Variants in FAT3 observed in about 807,000 individuals in gnomAD.
FAT3 encodes protocadherin Fat 3.
Under a neutral mutation model 310.2 loss-of-function variants are expected in FAT3, and 95 were observed. That is an observed-to-expected ratio of 0.31 (90% CI 0.26 to 0.36). The LOEUF is 0.36. FAT3 is among the 10% of genes least tolerant of loss of function. FAT3 has a pLI of 1.00. For synonymous variants in FAT3, 2,314 were observed against 2,192.9 expected (o/e 1.06, Z -1.54); for missense variants, 5,408 against 5,715.6 (o/e 0.95, Z 1.74).
chr11:92,848,497 CTTG>C (rs988039364), intron 19 of FAT3, among the ~76,000 whole-genome samples: 11 of 152,126 alleles, frequency 7.2e-5, no homozygotes, highest in African/African-American at 2.7e-4. Context: ...CCTATGGGGC[CTTG>C]TTGATTGTCC....
intron 1 of FAT3, among the ~76,000 whole-genome samples, chr11:92,284,944 T>C (rs909319032): frequency 6.6e-5 from 10 of 152,148 alleles, no homozygotes; most frequent in African/African-American, 2.4e-4. Flanking sequence ...AACAGGAGTT[T>C]TCGTCTAGAT....
rs752495005 is a variant in FAT3, at chr11:92,352,270, A to G, written c.158A>G (p.Tyr53Cys). 6.9e-6 allele frequency: 10 copies of G among 1,441,460 alleles called. No individual in the cohort carries two copies. Among genetic ancestry groups the G allele is most frequent in the South Asian group, 2.3e-5 (2 of 88,772 alleles). 89.3% of individuals were successfully genotyped at this position (1,441,460 alleles called of 1,614,324 possible). A position where few individuals can be genotyped will look rare whatever the true frequency, so the allele number is the denominator to read the frequency against. The change falls in exon 2 of 28, where the codon TAT becomes TGT. Residue 53 changes from tyrosine (Y) to cysteine (C), a missense_variant. This residue lies in a region of FAT3 where 152 missense variants were observed against 188.3 expected (regional missense o/e 0.81). Transcript: ENST00000525166. ...CATTCCATTTATAATGCTACCGTGT[A>G]TGAGAACTCAGCAGCAAGGACCTAC... Reference protein sequence around the residue: ...FTHSIYNATVYENSAARTYVN... With the variant: ...FTHSIYNATVCENSAARTYVN...
intron 3 of FAT3, among the ~76,000 whole-genome samples, chr11:92,527,961 C>G (rs1173207993): frequency 6.6e-6 from 1 of 152,190 alleles, no homozygotes; most frequent in Non-Finnish European, 1.5e-5. Flanking sequence ...ATTTCCTCCT[C>G]TGCTGTACAG....
At chr11:92,575,639 G>A (rs915394460) in intron 3 of FAT3, among the ~76,000 whole-genome samples, 7 of 152,134 alleles carry the variant, frequency 4.6e-5, no homozygotes, top group Admixed American at 1.3e-4. Context: ...TGGATTTGTC[G>A]TTATAATTTA....
At chr11:92,834,257 G>A (rs1948340272) in intron 14 of FAT3, among the ~76,000 whole-genome samples, 6 of 152,188 alleles carry the variant, frequency 3.9e-5, no homozygotes, top group Admixed American at 3.9e-4. Flanking sequence ...GTAGTTGTGG[G>A]CACTAAACTC....
At chr11:92,585,549 A>G (rs974604184) in intron 3 of FAT3, among the ~76,000 whole-genome samples, 4 of 152,024 alleles carry the variant, frequency 2.6e-5, no homozygotes, top group Non-Finnish European at 4.4e-5. Context: ...ATTCCTACAA[A>G]GCACCGGTGC....
chr11:92,426,843 T>C (rs556039172), intron 2 of FAT3, among the ~76,000 whole-genome samples: 1 of 152,344 alleles, frequency 6.6e-6, no homozygotes, highest in South Asian at 2.1e-4. Context: ...TGCTTAGGGT[T>C]GTCTTGGCTA....
In FAT3 at chr11:92,810,049, A is replaced by G. The variant is rs749039808; in HGVS notation, c.9454A>G (p.Arg3152Gly). The change falls in exon 13 of 28, where the codon AGA (arginine) becomes GGA (glycine). Residue 3152 changes from arginine to glycine, a missense_variant. By Grantham distance (125) the Arg-to-Gly change is moderately radical. Transcript: ENST00000525166. ...ENTATKALLT[R>G]VQAVDPDIGI... ...CACAGCCACCAAGGCTCTGTTGACC[A>G]GAGTTCAAGCCGTGGACCCCGACAT... The G allele has an allele frequency of 1.2e-6, 2 of 1,613,788 alleles. No individual in the cohort carries two copies. The highest frequency in any genetic ancestry group is 1.3e-5 in the African/African-American group (1 of 74,942).
intron 3 of FAT3, among the ~76,000 whole-genome samples, chr11:92,671,951 C>G (rs1435789503): frequency 6.6e-6 from 1 of 151,884 alleles, no homozygotes; most frequent in East Asian, 1.9e-4. Flanking sequence ...ACTAAAAATA[C>G]AAAAAATAAT....
At position 92,798,013 on chromosome 11, in the gene FAT3, C is replaced by A; in HGVS notation, c.5000C>A (p.Ser1667Tyr). 1 of 1,613,878 alleles carries A rather than the reference C, an allele frequency of 6.2e-7. No individual in the cohort carries two copies. The highest frequency in any genetic ancestry group is 8.5e-7 in the Non-Finnish European group (1 of 1,179,850). The part of the protein sequence containing the change: ...VRISVTMSDN[S>Y]HPKFIHKDYQ... The stretch of plus-strand genomic sequence containing the variant: ...ATTTCCGTCACCATGTCTGACAATT[C>A]TCACCCCAAGTTCATTCACAAAGAC... Residue 1667 changes from serine to tyrosine, a missense_variant, in exon 10 of 28, where the codon TCT becomes TAT. Transcript: ENST00000525166.
At chr11:92,838,750 C>T (rs1472757252) in intron 17 of FAT3, among the ~76,000 whole-genome samples, 1 of 152,094 alleles carries the variant, frequency 6.6e-6, no homozygotes, top group African/African-American at 2.4e-5. Context: ...TTTGGAATAA[C>T]ATTCAAGAAT....
intron 3 of FAT3, among the ~76,000 whole-genome samples, chr11:92,532,927 A>G (rs1954129778): frequency 6.6e-6 from 1 of 152,148 alleles, no homozygotes; most frequent in African/African-American, 2.4e-5. Flanking sequence ...ATGTATCTAG[A>G]TTAAGGCTCT....
At position 92,837,732 on chromosome 11, in the gene FAT3, G is replaced by A. The variant is rs760605948; in HGVS notation, c.10294G>A (p.Val3432Ile). Residue 3432 changes from valine to isoleucine, a missense_variant, in exon 17 of 28, where the codon GTC (valine) becomes ATC (isoleucine). Val to Ile is a conservative substitution (Grantham distance 29, BLOSUM62 3). Transcript: ENST00000525166. ...TCCTGCAATGTCATCAACTGCAACT[G>A]TCAACATTGATATTTCTGATGTGAA... ...GIPAMSSTAT[V>I]NIDISDVNDN... 2.5e-6 allele frequency: 4 copies of A among 1,613,980 alleles called. No individual in the cohort carries two copies. Among genetic ancestry groups the A allele is most frequent in the Non-Finnish European group, 2.5e-6 (3 of 1,179,888 alleles).
intron 3 of FAT3, among the ~76,000 whole-genome samples, chr11:92,590,148 G>C (rs551721955): frequency 6.6e-6 from 1 of 152,194 alleles, no homozygotes; most frequent in East Asian, 1.9e-4. Flanking sequence ...GGCTGACACA[G>C]AGAATTTTCC....
rs767482171 is a variant in FAT3 at position 92,798,219 on chromosome 11, T to A, written c.5206T>A (p.Ser1736Thr). ...GGCCCTGGATTATGAGCGCACATCC[T>A]CTTATCAACTCATCATTCAGGCCAC... ...QKALDYERTS[S>T]YQLIIQATNM... The change falls in exon 10 of 28, where the codon TCT (serine) becomes ACT (threonine). Residue 1736 changes from serine (S) to threonine (T), a missense_variant. Around this residue, in one of 5 missense-constraint regions of FAT3, gnomAD observed 4,588 missense variants for 4,809.8 expected, o/e 0.95. Transcript: ENST00000525166. The A allele has an allele frequency of 3.1e-6, 5 of 1,613,828 alleles. No homozygotes were observed. The Admixed American group carries it at 5.0e-5, about 16-fold the overall frequency.
At chr11:92,566,574 T>A (rs1217257204) in intron 3 of FAT3, among the ~76,000 whole-genome samples, 37 of 151,840 alleles carry the variant, frequency 2.4e-4, no homozygotes, top group African/African-American at 8.9e-4. Flanking sequence ...GAGCCCGCAT[T>A]GCCAAGTCAA....
chr11:92,800,686 T>G lies in FAT3; in HGVS notation c.7673T>G (p.Leu2558Arg), dbSNP rs1161648011. ...GGGCAGGTCATCACCACAGAAAGGC[T>G]AGACCGGGAAAACCCTCTAGAAGGG... ...SNGQVITTER[L>R]DRENPLEGDV... is the part of the protein sequence containing the mutation. Residue 2558 changes from leucine to arginine, a missense_variant, in exon 10 of 28, where the codon CTA (leucine) becomes CGA (arginine). By Grantham distance (102) the Leu-to-Arg change is moderately radical (BLOSUM62 -2). Coordinates refer to ENST00000525166, the MANE Select transcript of FAT3 (RefSeq NM_001367949.2). The G allele has an allele frequency of 1.2e-6, 2 of 1,613,814 alleles. No homozygotes were observed. Among genetic ancestry groups the G allele is most frequent in the Non-Finnish European group, 1.7e-6 (2 of 1,179,820 alleles).
At chr11:92,606,514 T>G (rs2135603551) in intron 3 of FAT3, among the ~76,000 whole-genome samples, 1 of 152,270 alleles carries the variant, frequency 6.6e-6, no homozygotes, top group East Asian at 1.9e-4. Flanking sequence ...ACCTCGTCTT[T>G]CCAGCTCACC....
intron 2 of FAT3, among the ~76,000 whole-genome samples, chr11:92,494,706 A>G (rs1952703622): frequency 1.3e-5 from 2 of 152,050 alleles, no homozygotes; most frequent in Admixed American, 6.6e-5. Flanking sequence ...TAGCCAAGCC[A>G]TCCTATTGCA....
Sources: gnomAD v4.1 joint callset for allele counts (sites outside exome capture counted in the v4.1 genomes callset) on GRCh38, gnomAD v4.1.1 for gene constraint, gnomAD v4.1.1 regional missense constraint, MANE v1.5 for transcripts, NCBI Gene and HGNC (gene_info 2026-07-23, HGNC 2026-07-21) for gene names.